Variants in ACTA2 observed in about 807,000 individuals in gnomAD.
ACTA2 encodes the protein actin, aortic smooth muscle.
Under a neutral mutation model 39.5 loss-of-function variants are expected in ACTA2, and 12 were observed. The ratio of observed to expected loss-of-function variants is 0.30; its 90% confidence interval spans 0.19 to 0.49. ACTA2 has a LOEUF of 0.49. Ranked by LOEUF, ACTA2 falls within the 20% of genes least tolerant of loss-of-function variation. The pLI is 0.99. For missense variants in ACTA2, 236 were observed against 498.8 expected (o/e 0.47, Z 5.02); for synonymous variants, 158 against 180.6 (o/e 0.88, Z 1.00).
chr10:88,947,046 C>A (rs1845963506), intron 3 of ACTA2: 1 of 569,776 alleles, frequency 1.8e-6, no homozygotes, highest in South Asian at 2.2e-5. Context: ...CCAGCTTCAT[C>A]CATGTCCCTA....
intron 4 of ACTA2, 101 bp downstream of exon 4, chr10:88,943,696 G>A (rs756033236): frequency 5.3e-6 from 5 of 948,624 alleles, no homozygotes; most frequent in South Asian, 1.3e-5. Context: ...TCTGTTGGTG[G>A]ACTCCTAGCT....
intron 1 of ACTA2, among the ~76,000 whole-genome samples, chr10:88,962,208 G>A (rs1846236626): frequency 6.6e-6 from 1 of 152,078 alleles, no homozygotes; most frequent in African/African-American, 2.4e-5. Flanking sequence ...TGTAACCTTT[G>A]TGCAAAAATC....
chr10:88,952,166 A>G (rs570716172), intron 1 of ACTA2, among the ~76,000 whole-genome samples: 5 of 152,324 alleles, frequency 3.3e-5, no homozygotes, highest in African/African-American at 1.2e-4. Flanking sequence ...AACAAAAAAG[A>G]GATATACATT....
chr10:88,949,070 C>T (rs1009568697), intron 1 of ACTA2, 117 bp from the exon 2 acceptor site: 13 of 882,844 alleles, frequency 1.5e-5, no homozygotes, highest in Non-Finnish European at 2.0e-5. Flanking sequence ...CTAGTGCTAT[C>T]CTCTGACCCT....
intron 1 of ACTA2, among the ~76,000 whole-genome samples, chr10:88,982,610 T>G (rs1489727061): frequency 6.6e-6 from 1 of 152,182 alleles, no homozygotes; most frequent in Non-Finnish European, 1.5e-5. Flanking sequence ...CTAGCCAGTT[T>G]TCTTGCTGTT....
Position 88,990,077 on chromosome 10 carries a change from G to T in ACTA2, c.-24+862C>A, listed in dbSNP as rs1042487836. Among the ~76,000 whole-genome samples, 2 of 152,184 alleles carry T rather than the reference G, an allele frequency of 1.3e-5. No homozygotes were observed. Among genetic ancestry groups the T allele is most frequent in the Non-Finnish European group, 2.9e-5 (2 of 68,032 alleles). On this transcript the variant is annotated intron_variant, in intron 1 of 4. Transcript: ENST00000415557. The surrounding 1 kb of genome is among the most constrained non-coding windows in gnomAD (Gnocchi z 4.9). ...ATTGTGAATGTTTAATATAGCTGGGGCTATGCGATTTGGCTTAAGTTGTTA... is the reference window on the plus strand; with the variant it reads ...ATTGTGAATGTTTAATATAGCTGGGTCTATGCGATTTGGCTTAAGTTGTTA...
intron 1 of ACTA2, among the ~76,000 whole-genome samples, chr10:88,959,416 G>A (rs185859448): frequency 1.4e-3 from 209 of 152,260 alleles, no homozygotes; most frequent in Middle Eastern, 6.8e-3. Context: ...TATGGCCTAC[G>A]AATTGACTGC....
intron 1 of ACTA2, chr10:88,973,398 C>G: frequency 2.2e-6 from 3 of 1,365,054 alleles, no homozygotes; most frequent in Non-Finnish European, 2.9e-6. Flanking sequence ...TCATAGAGTT[C>G]CCGATGAAAA....
At chr10:88,945,219 C>A (rs1180569027) in intron 3 of ACTA2, among the ~76,000 whole-genome samples, 2 of 152,204 alleles carry the variant, frequency 1.3e-5, no homozygotes, top group Non-Finnish European at 1.5e-5. Context: ...TTGTCAGCTC[C>A]ATGGAGAAAT....
intron 8 of ACTA2, among the ~76,000 whole-genome samples, chr10:88,936,624 G>C (rs1175761784): frequency 7.0e-6 from 1 of 143,824 alleles, no homozygotes; most frequent in Non-Finnish European, 1.5e-5. Context: ...CCCCTGCTTC[G>C]CCTTCCACCA....
intron 1 of ACTA2, among the ~76,000 whole-genome samples, chr10:88,962,910 C>T (rs1395811637): frequency 3.4e-5 from 3 of 89,510 alleles, no homozygotes; most frequent in African/African-American, 8.2e-5. Flanking sequence ...AGGGGAATGC[C>T]CCATATATAT....
chr10:88,972,587 GCTTTT>G (rs1846473235), intron 1 of ACTA2, among the ~76,000 whole-genome samples: 1 of 149,966 alleles, frequency 6.7e-6, no homozygotes, highest in Admixed American at 6.6e-5. Flanking sequence ...TTATCTATTA[GCTTTT>G]TAACTATATC....
chr10:88,935,540 C>T (rs1323986524), intron 8 of ACTA2, 174 bp from the exon 9 acceptor site: 4 of 666,590 alleles, frequency 6.0e-6, no homozygotes, highest in Non-Finnish European at 1.0e-5. Context: ...TTGGCAGGAC[C>T]GCCAGAGGGA....
chr10:88,969,454 C>A (rs1564656262), intron 1 of ACTA2, among the ~76,000 whole-genome samples: 1 of 152,188 alleles, frequency 6.6e-6, no homozygotes, highest in Middle Eastern at 3.2e-3. Flanking sequence ...GAAAGCATGC[C>A]CCCATTGGCA....
At position 88,966,973 on chromosome 10, in the gene ACTA2, G is replaced by A. The variant is rs143605050; in HGVS notation, c.-23-18020C>T. ...GAGAAGATCCCATAAAGAGCAACAC[G>A]GCTCAAACAGCGCCAAGAGGGCAGG... On this transcript the variant is annotated intron_variant, in intron 1 of 4. Coordinates refer to the ACTA2 transcript ENST00000415557. Among the ~76,000 whole-genome samples, 940 of 152,292 alleles carry A rather than the reference G, an allele frequency of 6.2e-3. 15 individuals are homozygous for A. The highest frequency in any genetic ancestry group is 0.021 in the African/African-American group (885 of 41,562).
Position 88,935,077 on chromosome 10 carries a change from C to T in ACTA2, c.*146G>A. On this transcript the variant is annotated 3_prime_UTR_variant, in exon 9 of 9. Coordinates refer to ENST00000224784, the MANE Select transcript of ACTA2 (RefSeq NM_001613.4). The stretch of plus-strand genomic sequence containing the variant: ...GATCGGAGGCCAACGCAAGAAGTTA[C>T]CAGTAGCCTATTTCAGATTTATTAA... 4 of 1,183,888 alleles carry T rather than the reference C, an allele frequency of 3.4e-6. No homozygotes were observed. The highest frequency in any genetic ancestry group is 3.6e-6 in the Non-Finnish European group (3 of 825,536). 73.3% of individuals were successfully genotyped at this position (1,183,888 alleles called of 1,614,324 possible).
intron 1 of ACTA2, among the ~76,000 whole-genome samples, chr10:88,951,142 A>C (rs946546979): frequency 2.0e-5 from 3 of 152,076 alleles, no homozygotes; most frequent in African/African-American, 4.8e-5. Flanking sequence ...GGCTTCCCTC[A>C]GAGCAGATTA....
intron 1 of ACTA2, among the ~76,000 whole-genome samples, chr10:88,981,232 G>A (rs1417669899): frequency 6.6e-6 from 1 of 152,196 alleles, no homozygotes; most frequent in East Asian, 1.9e-4. Context: ...CCTAACCTAT[G>A]TTTCTTAATC....
chr10:88,938,391 A>C lies in ACTA2; in HGVS notation c.809-149T>G, dbSNP rs1270744797. The C allele has an allele frequency of 3.4e-6, 3 of 873,000 alleles. No individual in the cohort carries two copies. In the African/African-American group the frequency reaches 5.0e-5, roughly 15 times the overall value. 54.1% of individuals were successfully genotyped at this position (873,000 alleles called of 1,614,324 possible). On this transcript the variant is annotated intron_variant, in intron 7 of 8. Transcript: ENST00000224784. ...TAGGAACCACCTGTCTGAGAGACAA[A>C]AGGGTCTTGTTATGCTCTATGTCTT...
Sources: gnomAD v4.1 joint callset for allele counts (sites outside exome capture counted in the v4.1 genomes callset) on GRCh38, gnomAD v4.1.1 for gene constraint, Gnocchi (gnomAD v3.1) non-coding constraint, MANE v1.5 for transcripts, NCBI Gene and HGNC (gene_info 2026-07-23, HGNC 2026-07-21) for gene names.